Variants in GLIS1 observed in about 807,000 individuals in gnomAD.
The protein encoded by GLIS1 is GLIS family zinc finger 1.
GLIS1 carries 24 observed loss-of-function variants against 63.8 expected under a neutral mutation model. The ratio of observed to expected loss-of-function variants is 0.38; its 90% CI spans 0.27 to 0.53. The LOEUF (loss-of-function observed/expected upper bound fraction) is 0.53, where lower values mean the gene tolerates loss of function less well. GLIS1 is among the 20% of genes least tolerant of loss of function. The pLI is 0.85. For missense variants in GLIS1, 1,036 were observed against 1,074.1 expected (o/e 0.96, Z 0.50); for synonymous variants, 450 against 482.5 (o/e 0.93, Z 0.88).
intron 7 of GLIS1, among the ~76,000 whole-genome samples, chr1:53,515,055 G>C (rs954763515): frequency 6.7e-6 from 1 of 148,558 alleles, no homozygotes; most frequent in African/African-American, 2.5e-5. Context: ...TCAGAGGCGT[G>C]GGGTGCTTAG....
chr1:53,550,435 C>T (rs887716035), intron 4 of GLIS1, among the ~76,000 whole-genome samples: 7 of 152,282 alleles, frequency 4.6e-5, no homozygotes, highest in South Asian at 2.1e-4. Flanking sequence ...GTGCGTAGAG[C>T]GAACACACAC....
chr1:53,618,642 T>C (rs1001142741), intron 2 of GLIS1, among the ~76,000 whole-genome samples: 2 of 152,186 alleles, frequency 1.3e-5, no homozygotes, highest in Non-Finnish European at 2.9e-5. Context: ...CCCTGACTTC[T>C]GAGGATGCAA....
intron 6 of GLIS1, among the ~76,000 whole-genome samples, chr1:53,521,005 G>C (rs2100294909): frequency 6.6e-6 from 1 of 152,334 alleles, no homozygotes; most frequent in African/African-American, 2.4e-5. Context: ...GATTTAAATG[G>C]GAGACGTGCC....
chr1:53,519,351 T>C (rs1183515417), intron 7 of GLIS1, among the ~76,000 whole-genome samples: 1 of 152,224 alleles, frequency 6.6e-6, no homozygotes, highest in Non-Finnish European at 1.5e-5. Flanking sequence ...GCTAAAAGGC[T>C]TTTCTTCCTG....
rs150937944 is a variant in GLIS1, at chr1:53,728,636, A to C, written c.259+9170T>G. 1.2e-3 allele frequency among the ~76,000 whole-genome samples: 183 copies of C among 152,362 alleles called. 1 individual carries two copies. The highest frequency in any genetic ancestry group is 4.2e-3 in the African/African-American group (175 of 41,584). On this transcript the variant is annotated intron_variant, in intron 2 of 10. Transcript: ENST00000628545. ...GCCAGACTTTGTGCTGGACACAAGA[A>C]TACAAAGATGAATCTTTGAATATTA...
rs749251588 is a variant in GLIS1 at position 53,520,667 on chromosome 1, C to T, written c.1693G>A (p.Gly565Ser). 7 of 1,610,836 alleles carry T rather than the reference C, an allele frequency of 4.3e-6. No homozygotes were observed. In the Admixed American group the frequency reaches 1.2e-4, roughly 27 times the overall value. Residue 565 changes from glycine to serine, a missense_variant, in exon 7 of 11, where the codon GGT becomes AGT. Physicochemically the swap from Gly to Ser is moderately conservative, Grantham distance 56. This residue lies in a region of GLIS1 where 400 missense variants were observed against 400.9 expected (regional missense o/e 1.00). Transcript: ENST00000628545. ...STQLAASDGK[G>S]GCGLGQELLP... ...AGCTCCTGGCCCAGGCCACAGCCACCCTTGCCGTCGCTGGCAGCCAGCTGT... is the reference window on the plus strand; with the variant it reads ...AGCTCCTGGCCCAGGCCACAGCCACTCTTGCCGTCGCTGGCAGCCAGCTGT...
chr1:53,555,214 C>G (rs1644806446), intron 4 of GLIS1, among the ~76,000 whole-genome samples: 1 of 152,222 alleles, frequency 6.6e-6, no homozygotes, highest in South Asian at 2.1e-4. Flanking sequence ...GCTCTGAAGG[C>G]TGCTGAGAGA....
intron 2 of GLIS1, among the ~76,000 whole-genome samples, chr1:53,732,802 T>TA (rs10717170): frequency 0.012 from 1,741 of 149,034 alleles, 38 homozygotes; most frequent in African/African-American, 0.04. Flanking sequence ...AAATCTATAT[T>TA]AAAAAAAAAA....
chr1:53,706,737 G>A (rs566931381), intron 2 of GLIS1, among the ~76,000 whole-genome samples: 45 of 152,326 alleles, frequency 3.0e-4, no homozygotes, highest in South Asian at 1.9e-3. Flanking sequence ...ATAAACAAAG[G>A]TTGTAGCATA....
intron 2 of GLIS1, among the ~76,000 whole-genome samples, chr1:53,672,124 A>G (rs1027489008): frequency 2.0e-5 from 3 of 152,188 alleles, no homozygotes; most frequent in African/African-American, 7.2e-5. Context: ...CCCTGAACCC[A>G]TCCCACCCAG....
intron 4 of GLIS1, among the ~76,000 whole-genome samples, chr1:53,556,553 A>G (rs1644831244): frequency 1.1e-5 from 1 of 95,196 alleles, no homozygotes; most frequent in Non-Finnish European, 1.9e-5. Context: ...GTGTGTGTGC[A>G]GGTGTACTGC....
chr1:53,597,165 CCT>C (rs1188521451), intron 3 of GLIS1, among the ~76,000 whole-genome samples: 1 of 109,498 alleles, frequency 9.1e-6, no homozygotes, highest in Non-Finnish European at 1.8e-5. Context: ...CTGGTGAAAC[CCT>C]GTCTCTACTA....
rs184371921 is a variant in GLIS1, at chr1:53,510,685, A to G, written c.1884-658T>C. On this transcript the variant is annotated intron_variant, in intron 8 of 10. Coordinates refer to ENST00000628545, the MANE Select transcript of GLIS1 (RefSeq NM_001367484.1). ...ATAGACAAAGTGTGATGTCCAATAC[A>G]TTCTTAGCCACTCCATCAATCATCA... Among the ~76,000 whole-genome samples, 44 of 152,346 alleles carry G rather than the reference A, an allele frequency of 2.9e-4. 1 individual carries two copies. The highest frequency in any genetic ancestry group is 4.4e-4 in the Non-Finnish European group (30 of 68,038).
chr1:53,569,974 TA>T (rs1174238138), intron 4 of GLIS1, among the ~76,000 whole-genome samples: 2 of 152,068 alleles, frequency 1.3e-5, no homozygotes, highest in African/African-American at 4.8e-5. Flanking sequence ...AATAATCATA[TA>T]AAGAGGTCCT....
intron 2 of GLIS1, among the ~76,000 whole-genome samples, chr1:53,714,130 G>A (rs1253298698): frequency 6.6e-6 from 1 of 152,222 alleles, no homozygotes; most frequent in South Asian, 2.1e-4. Context: ...ATACAAACAA[G>A]GTCCAAAGTT....
At chr1:53,701,513 C>T (rs1325913958) in intron 2 of GLIS1, among the ~76,000 whole-genome samples, 2 of 152,292 alleles carry the variant, frequency 1.3e-5, no homozygotes, top group East Asian at 3.9e-4. Context: ...GTCCTAAGCC[C>T]TATTGTGGCC....
intron 9 of GLIS1, 150 bp from the exon 10 acceptor site, chr1:53,509,437 G>A: frequency 1.1e-6 from 1 of 899,182 alleles, no homozygotes; most frequent in African/African-American, 1.7e-5. Flanking sequence ...GGCAGAGGAG[G>A]TGCAGGAGGC....
rs534814624 is a variant in GLIS1 at position 53,582,752 on chromosome 1, C to T, written c.1320+11356G>A. Among the ~76,000 whole-genome samples the T allele has an allele frequency of 7.2e-5, 11 of 152,382 alleles. No individual in the cohort carries two copies. The South Asian group carries it at 1.2e-3, about 17-fold the overall frequency. On this transcript the variant is annotated intron_variant, in intron 4 of 10. Transcript: ENST00000628545. ...AGGGATGCTGAGCTTGCCTCTTTCG[C>T]TCTGCAATTTCCAGTGAGCCACATC...
At chr1:53,519,500 A>G (rs191560377) in intron 7 of GLIS1, among the ~76,000 whole-genome samples, 25 of 152,262 alleles carry the variant, frequency 1.6e-4, no homozygotes, top group Non-Finnish European at 7.3e-5. Context: ...GTGGGCAGAA[A>G]GTCTGTTCTG....
Sources: allele counts gnomAD v4.1 joint callset (sites outside exome capture counted in the v4.1 genomes callset), GRCh38; gene constraint gnomAD v4.1.1; regional missense constraint gnomAD v4.1.1; transcripts MANE v1.5; gene names NCBI Gene and HGNC (gene_info 2026-07-23, HGNC 2026-07-21).